POU2F2: variants seen among roughly 807,000 people sequenced by gnomAD.
POU2F2 encodes the protein POU class 2 homeobox 2, also known as POU domain, class 2, transcription factor 2.
In POU2F2, 14 loss-of-function variants were observed where a neutral mutation model predicts 63.5. The ratio of observed to expected loss-of-function variants is 0.22; its 90% CI spans 0.15 to 0.34. POU2F2 has a LOEUF of 0.34. Ranked by LOEUF, POU2F2 falls within the 10% of genes least tolerant of loss-of-function variation. The probability of loss-of-function intolerance (pLI) is 1.00; values close to 1 mark genes in which losing one functional copy is unlikely to be tolerated. For synonymous variants in POU2F2, 306 were observed against 348.6 expected (o/e 0.88, Z 1.36); for missense variants, 607 against 815.2 (o/e 0.74, Z 3.11).
chr19:42,177,213 G>C (rs1200637005), upstream of POU2F2: 1 of 154,012 alleles, frequency 6.5e-6, no homozygotes, highest in Non-Finnish European at 1.4e-5. Flanking sequence ...ACGGCTCCGA[G>C]GGGATGGCCG....
Position 42,096,201 on chromosome 19 carries a change from G to A in POU2F2, c.610C>T (p.Pro204Ser), listed in dbSNP as rs2076915752. The change falls in exon 8 of 15, where the codon CCG (proline) becomes TCG (serine). Residue 204 changes from proline to serine, a missense_variant. Physicochemically the swap from Pro to Ser is moderately conservative, Grantham distance 74. Coordinates refer to ENST00000692977, the MANE Select transcript of POU2F2 (RefSeq NM_001394376.1). The surrounding 1 kb of genome is among the most constrained non-coding windows in gnomAD (Gnocchi z 4.1). Reference sequence around the variant, plus strand: ...GGCTCCAAGCATTTGGGGGGCTGCGGGTGCGAGAGGTGCGGGTCGGGCAGC... The same window carrying A: ...GGCTCCAAGCATTTGGGGGGCTGCGAGTGCGAGAGGTGCGGGTCGGGCAGC... The part of the protein sequence containing the change: ...PTLPDPHLSH[P>S]QPPKCLEPPS... 2.5e-6 allele frequency: 4 copies of A among 1,611,876 alleles called. No homozygotes were observed. The highest frequency in any genetic ancestry group is 2.5e-6 in the Non-Finnish European group (3 of 1,179,170).
intron 1 of POU2F2, among the ~76,000 whole-genome samples, chr19:42,187,933 C>T (rs1185293053): frequency 1.3e-5 from 2 of 151,872 alleles, no homozygotes; most frequent in East Asian, 3.9e-4. Flanking sequence ...CTCATGTCCT[C>T]GTGTGGTGCC....
intron 12 of POU2F2, chr19:42,093,394 T>C (rs1404585982): frequency 6.5e-6 from 1 of 153,390 alleles, no homozygotes; most frequent in African/African-American, 2.4e-5. Context: ...GAACTCTGGA[T>C]ACAAGACTAT....
rs767302459 is a variant in POU2F2 at position 42,117,018 on chromosome 19, G to A, written c.369+232C>T. ...TCAGTGCCGTGAGCTGCGGGGTGTC[G>A]GGGACAGCAGGAATTGGAGCAAGGG... On this transcript the variant is annotated intron_variant, in intron 5 of 14. Transcript: ENST00000692977. The surrounding 1 kb of genome is among the most constrained non-coding windows in gnomAD (Gnocchi z 4.4). 1.4e-5 allele frequency: 9 copies of A among 630,054 alleles called. No homozygotes were observed. Among genetic ancestry groups the A allele is most frequent in the East Asian group, 1.2e-4 (4 of 34,624 alleles). The allele number at this position is 630,054 out of a possible 1,614,324, so 39.0% of individuals were successfully genotyped here. A position where few individuals can be genotyped will look rare whatever the true frequency, so the allele number is the denominator to read the frequency against.
intron 2 of POU2F2, among the ~76,000 whole-genome samples, chr19:42,143,845 T>A (rs1350077342): frequency 1.3e-5 from 2 of 152,148 alleles, no homozygotes; most frequent in Non-Finnish European, 2.9e-5. Flanking sequence ...AAACACCCCC[T>A]CCACAGAGAG....
intron 2 of POU2F2, among the ~76,000 whole-genome samples, chr19:42,147,184 C>T (rs142752403): frequency 1.3e-4 from 20 of 152,254 alleles, no homozygotes; most frequent in Admixed American, 3.9e-4. Flanking sequence ...GTCATCTCAC[C>T]CCTGCTGACA....
At chr19:42,148,847 G>A (rs1165306730) in intron 2 of POU2F2, among the ~76,000 whole-genome samples, 3 of 151,090 alleles carry the variant, frequency 2.0e-5, no homozygotes, top group East Asian at 2.0e-4. Context: ...GTGATGTCAC[G>A]GCCCCTGCTC....
Position 42,100,866 on chromosome 19 carries a change from G to A in POU2F2, c.370-1045C>T, listed in dbSNP as rs547875997. On this transcript the variant is annotated intron_variant, in intron 5 of 14. Coordinates refer to ENST00000692977, the MANE Select transcript of POU2F2 (RefSeq NM_001394376.1). ...TGTAATCCCAGCAATTTGGGAGGCC[G>A]AGCCAGGCGGATCACGAGGTCAGGA... 9.2e-5 allele frequency among the ~76,000 whole-genome samples: 14 copies of A among 152,198 alleles called. No individual in the cohort carries two copies. In the East Asian group the frequency reaches 1.5e-3, roughly 17 times the overall value.
chr19:42,095,271 G>A lies in POU2F2; in HGVS notation c.1197+15C>T. On this transcript the variant is annotated intron_variant, in intron 11 of 14. Coordinates refer to ENST00000692977, the MANE Select transcript of POU2F2 (RefSeq NM_001394376.1). The surrounding 1 kb of genome is among the most constrained non-coding windows in gnomAD (Gnocchi z 7.1). The stretch of plus-strand genomic sequence containing the variant: ...GCTCTGTGGTCTCCCCACCCCCCAG[G>A]CGGGCTCTTGGTACCATATGGGGGC... The A allele has an allele frequency of 1.9e-6, 3 of 1,608,188 alleles. No individual in the cohort carries two copies. Among genetic ancestry groups the A allele is most frequent in the Non-Finnish European group, 2.5e-6 (3 of 1,178,294 alleles).
chr19:42,181,140 T>A (rs926265315), intron 1 of POU2F2, among the ~76,000 whole-genome samples: 3 of 152,226 alleles, frequency 2.0e-5, no homozygotes, highest in Non-Finnish European at 4.4e-5. Flanking sequence ...AATAGGAGAC[T>A]TAAGCAATCC....
chr19:42,132,402 A>AG lies in POU2F2; in HGVS notation c.9dup (p.Ser4LeufsTer12), dbSNP rs1417225836. ...CCCTTACCTGGAGCCCCCATGCTGG[A>AG]GTGAACCATGCTGCCCGCCCCGCCA... On this transcript the variant is annotated frameshift_variant, in exon 1 of 15. Transcript: ENST00000692977. LOFTEE classifies it high-confidence loss of function. 6.4e-7 allele frequency: 1 copy of AG among 1,555,124 alleles called. No individual in the cohort carries two copies. The highest frequency in any genetic ancestry group is 1.4e-5 in the African/African-American group (1 of 70,150).
intron 1 of POU2F2, among the ~76,000 whole-genome samples, chr19:42,188,666 T>C (rs1162756553): frequency 2.1e-5 from 2 of 95,826 alleles, no homozygotes; most frequent in Admixed American, 1.4e-4. Flanking sequence ...AGAGAGTTCA[T>C]CTCAAAAAAA....
chr19:42,163,372 A>G (rs1480370720), intron 1 of POU2F2, among the ~76,000 whole-genome samples: 1 of 152,074 alleles, frequency 6.6e-6, no homozygotes, highest in African/African-American at 2.4e-5. Flanking sequence ...CAAATGGTCA[A>G]TATCACTGAC....
intron 4 of POU2F2, among the ~76,000 whole-genome samples, chr19:42,120,022 G>A (rs543245021): frequency 1.4e-3 from 210 of 151,702 alleles, no homozygotes; most frequent in African/African-American, 4.5e-3. Context: ...AGACTCAAGC[G>A]ATCCTCCTGC....
At chr19:42,196,668 G>C (rs1484803068), upstream of POU2F2, 2 of 152,476 alleles carry the variant, frequency 1.3e-5, no homozygotes, top group African/African-American at 2.4e-5. Context: ...GCTCAGATCT[G>C]ACCCACCTCC....
In POU2F2 at chr19:42,122,095, C is replaced by T. The variant is rs756524940; in HGVS notation, c.186+31G>A. On this transcript the variant is annotated intron_variant, in intron 4 of 14. Transcript: ENST00000692977. ...TGAGGACCCTCTTCCAAGCGCTGCC[C>T]ACTTCCCTGGCTGTTCTGACAGGTG... 2.5e-6 allele frequency: 4 copies of T among 1,592,884 alleles called. No individual in the cohort carries two copies. The East Asian group carries it at 6.7e-5, about 27-fold the overall frequency.
At chr19:42,093,042 C>T (rs536749136) in intron 12 of POU2F2, among the ~76,000 whole-genome samples, 1 of 119,918 alleles carries the variant, frequency 8.3e-6, no homozygotes, top group Non-Finnish European at 1.6e-5. Flanking sequence ...GATGGAATCT[C>T]ACTCTGTCAC....
chr19:42,183,421 A>C (rs1223914514), intron 1 of POU2F2, among the ~76,000 whole-genome samples: 1 of 152,196 alleles, frequency 6.6e-6, no homozygotes, highest in African/African-American at 2.4e-5. Context: ...AGTGGTTGAA[A>C]AGGGCTGCAG....
At position 42,096,076 on chromosome 19, in the gene POU2F2, C is replaced by T. The variant is rs925142288; in HGVS notation, c.729+6G>A. The T allele has an allele frequency of 6.2e-7, 1 of 1,613,300 alleles. No homozygotes were observed. Among genetic ancestry groups the T allele is most frequent in the Non-Finnish European group, 8.5e-7 (1 of 1,179,630 alleles). Reference sequence around the variant, plus strand: ...CCACCGCCCAGCCTGCAAGGTGCCTCCAGACCTGCGTGAAGCCCAGCTTGA... The same window carrying T: ...CCACCGCCCAGCCTGCAAGGTGCCTTCAGACCTGCGTGAAGCCCAGCTTGA... On this transcript the variant is annotated splice_donor_region_variant and intron_variant, in intron 8 of 14. Coordinates refer to ENST00000692977, the MANE Select transcript of POU2F2 (RefSeq NM_001394376.1). This position sits in a 1 kb window ranked among gnomAD's most constrained non-coding sequence, Gnocchi z 4.1.
Sources: gnomAD v4.1 joint callset for allele counts (sites outside exome capture counted in the v4.1 genomes callset) on GRCh38, gnomAD v4.1.1 for gene constraint, Gnocchi (gnomAD v3.1) non-coding constraint, MANE v1.5 for transcripts, NCBI Gene and HGNC (gene_info 2026-07-23, HGNC 2026-07-21) for gene names.